VRK1: variants seen among roughly 807,000 people sequenced by gnomAD.
VRK1 encodes VRK serine/threonine kinase 1.
Under a neutral mutation model 57.1 loss-of-function variants are expected in VRK1, and 33 were observed. The observed-to-expected ratio is 0.58, with a 90% confidence interval of 0.44 to 0.77. The LOEUF (loss-of-function observed/expected upper bound fraction) is 0.77. Among genes scored for constraint, VRK1 ranks in the 30% least tolerant of loss-of-function variants. The pLI is 0.00. For missense variants in VRK1, 413 were observed against 477.3 expected, an observed-to-expected ratio of 0.87 and a Z score of 1.25; for synonymous variants, 137 against 147.8, an observed-to-expected ratio of 0.93 and a Z score of 0.53.
chr14:96,801,926 CTG>C (rs1885678459), intron 1 of VRK1, among the ~76,000 whole-genome samples: 1 of 152,040 alleles, frequency 6.6e-6, no homozygotes, highest in Non-Finnish European at 1.5e-5. Flanking sequence ...AGAAGAAAAT[CTG>C]TGTATAAGTG....
At chr14:96,843,666 C>T (rs957425188) in intron 3 of VRK1, among the ~76,000 whole-genome samples, 1 of 152,104 alleles carries the variant, frequency 6.6e-6, no homozygotes, top group African/African-American at 2.4e-5. Context: ...ATGTCAGTCC[C>T]AATTTCTTTT....
chr14:96,877,625 A>G (rs990331676), intron 12 of VRK1: 11 of 1,287,100 alleles, frequency 8.5e-6, no homozygotes, highest in African/African-American at 1.5e-5. Flanking sequence ...CAATATTCTT[A>G]AAAAACAATC....
chr14:96,857,615 C>T (rs185609869), intron 10 of VRK1, among the ~76,000 whole-genome samples: 2 of 152,222 alleles, frequency 1.3e-5, no homozygotes, highest in East Asian at 3.9e-4. Flanking sequence ...TGGGCCTAGG[C>T]AGAAAGCAGG....
At chr14:96,833,838 A>G (rs1253120855) in intron 2 of VRK1, among the ~76,000 whole-genome samples, 1 of 152,216 alleles carries the variant, frequency 6.6e-6, no homozygotes, top group East Asian at 1.9e-4. Flanking sequence ...AATAGCTGTA[A>G]TACTATCATT....
At chr14:96,800,162 C>A (rs1333397642) in intron 1 of VRK1, among the ~76,000 whole-genome samples, 1 of 152,016 alleles carries the variant, frequency 6.6e-6, no homozygotes, top group East Asian at 1.9e-4. Context: ...AAGTTTGGCT[C>A]TTTTGATCAA....
chr14:96,838,229 A>G (rs1373232091), intron 3 of VRK1, among the ~76,000 whole-genome samples: 2 of 149,286 alleles, frequency 1.3e-5, no homozygotes, highest in African/African-American at 4.9e-5. Context: ...TTCTGTTCCC[A>G]ATTTTCTTCC....
At chr14:96,817,276 T>C (rs11160369) in intron 1 of VRK1, among the ~76,000 whole-genome samples, 19,034 of 152,146 alleles carry the variant, frequency 0.13, 2,917 homozygotes, top group East Asian at 0.83. Context: ...TTTAGTCTTA[T>C]AATTTAAAGG....
Position 96,846,127 on chromosome 14 carries a change from A to C in VRK1, c.249A>C (p.Glu83Asp). The change falls in exon 4 of 13, where the codon GAA (glutamate) becomes GAC (aspartate). Residue 83 changes from glutamate to aspartate, a missense_variant. Physicochemically the swap from Glu to Asp is conservative, Grantham distance 45 (BLOSUM62 2). Around this residue, in one of 3 missense-constraint regions of VRK1, gnomAD observed 116 missense variants for 113.6 expected, o/e 1.02. Coordinates refer to ENST00000216639, the MANE Select transcript of VRK1 (RefSeq NM_003384.3). The part of the protein sequence containing the change: ...EPSDNGPLFT[E>D]LKFYQRAAKP... ...GTGACAATGGACCTCTTTTTACTGAATTAAAGTTCTACCAACGAGCTGCAA... is the reference window on the plus strand; with the variant it reads ...GTGACAATGGACCTCTTTTTACTGACTTAAAGTTCTACCAACGAGCTGCAA... 1 of 1,613,474 alleles carries C rather than the reference A, an allele frequency of 6.2e-7. No homozygotes were observed. Among genetic ancestry groups the C allele is most frequent in the Non-Finnish European group, 8.5e-7 (1 of 1,179,582 alleles).
intron 11 of VRK1, among the ~76,000 whole-genome samples, chr14:96,866,587 G>A (rs1888596511): frequency 6.6e-6 from 1 of 152,040 alleles, no homozygotes; most frequent in Non-Finnish European, 1.5e-5. Flanking sequence ...TCCCAGCCAG[G>A]GAAGAAACAA....
rs189406748 is a variant in VRK1 at position 96,846,345 on chromosome 14, G to A, written c.286+181G>A. On this transcript the variant is annotated intron_variant, in intron 4 of 12. Coordinates refer to ENST00000216639, the MANE Select transcript of VRK1 (RefSeq NM_003384.3). ...TCTTTTAATGGGTTTGTTGCATCAAGATTTTATCTATATAGATACATAGAA... is the reference window on the plus strand; with the variant it reads ...TCTTTTAATGGGTTTGTTGCATCAAAATTTTATCTATATAGATACATAGAA... Among the ~76,000 whole-genome samples, 326 of 152,160 alleles carry A rather than the reference G, an allele frequency of 2.1e-3. 3 individuals carry two copies. The highest frequency in any genetic ancestry group is 3.5e-3 in the Non-Finnish European group (240 of 67,982).
At chr14:96,867,149 TTTTG>T (rs1366492501) in intron 11 of VRK1, among the ~76,000 whole-genome samples, 3 of 152,158 alleles carry the variant, frequency 2.0e-5, no homozygotes, top group Non-Finnish European at 2.9e-5. Context: ...ATTTTGTGTT[TTTTG>T]TTTGTTTGTT....
intron 3 of VRK1, among the ~76,000 whole-genome samples, chr14:96,839,817 C>T (rs1887381350): frequency 6.6e-6 from 1 of 152,046 alleles, no homozygotes; most frequent in Admixed American, 6.6e-5. Flanking sequence ...TATAGTTTGC[C>T]TATTCATTTT....
At chr14:96,877,498 T>C in intron 12 of VRK1, 1 of 1,289,408 alleles carries the variant, frequency 7.8e-7, no homozygotes, top group Non-Finnish European at 1.0e-6. Context: ...CATTTTGTTA[T>C]TAGGAAGTGA....
intron 11 of VRK1, among the ~76,000 whole-genome samples, chr14:96,870,263 A>G (rs375751363): frequency 6.6e-6 from 1 of 152,176 alleles, no homozygotes; most frequent in African/African-American, 2.4e-5. Flanking sequence ...GGGCTGTGAA[A>G]TCATTATTAT....
intron 11 of VRK1, among the ~76,000 whole-genome samples, chr14:96,870,550 C>G (rs1002222828): frequency 6.6e-6 from 1 of 152,162 alleles, no homozygotes; most frequent in African/African-American, 2.4e-5. Context: ...CTGGAAACAG[C>G]TTTCGTCTTG....
Position 96,833,530 on chromosome 14 carries a change from C to A in VRK1, c.59C>A (p.Ala20Glu), listed in dbSNP as rs1887095313. The change falls in exon 2 of 13, where the codon GCA becomes GAA. Residue 20 changes from alanine to glutamate, a missense_variant. Around this residue, in one of 3 missense-constraint regions of VRK1, gnomAD observed 116 missense variants for 113.6 expected, o/e 1.02. Coordinates refer to ENST00000216639, the MANE Select transcript of VRK1 (RefSeq NM_003384.3). The stretch of plus-strand genomic sequence containing the variant: ...CAGAGCTCTGCAAAGAGACATCTTG[C>A]AGAACAATTTGCAGTTGGAGAGATA... ...GRQSSAKRHL[A>E]EQFAVGEIIT... 2.5e-6 allele frequency: 4 copies of A among 1,613,772 alleles called. No individual in the cohort carries two copies. In the South Asian group the frequency reaches 4.4e-5, roughly 18 times the overall value.
rs750968339 is a variant in VRK1, at chr14:96,856,629, T to C, written c.889+43T>C. On this transcript the variant is annotated intron_variant, in intron 10 of 12. Transcript: ENST00000216639. The stretch of plus-strand genomic sequence containing the variant: ...CAGTGTTAATAGGGATTTTGTTTTC[T>C]GGGGATAAAAAGGCATGATATCCAT... 4 of 1,556,198 alleles carry C rather than the reference T, an allele frequency of 2.6e-6. No homozygotes were observed. The South Asian group carries it at 4.5e-5, about 17-fold the overall frequency.
At chr14:96,825,134 G>A (rs1442873313) in intron 1 of VRK1, among the ~76,000 whole-genome samples, 3 of 152,088 alleles carry the variant, frequency 2.0e-5, no homozygotes, top group Non-Finnish European at 4.4e-5. Flanking sequence ...GATAGGAGGA[G>A]GATAGTTTCT....
At chr14:96,819,287 C>A (rs1048189130) in intron 1 of VRK1, among the ~76,000 whole-genome samples, 2 of 152,140 alleles carry the variant, frequency 1.3e-5, no homozygotes, top group Non-Finnish European at 2.9e-5. Flanking sequence ...TACCCAACTT[C>A]TAAAATGAAC....
Sources: gnomAD v4.1 joint callset for allele counts (sites outside exome capture counted in the v4.1 genomes callset) on GRCh38, gnomAD v4.1.1 for gene constraint, gnomAD v4.1.1 regional missense constraint, MANE v1.5 for transcripts, NCBI Gene and HGNC (gene_info 2026-07-23, HGNC 2026-07-21) for gene names.